Variants in CDH12 observed in about 807,000 individuals in gnomAD.
CDH12 encodes cadherin 12.
Under a neutral mutation model 74.1 loss-of-function variants are expected in CDH12, and 41 were observed. The observed-to-expected ratio is 0.55, with a 90% CI of 0.43 to 0.72. CDH12 has a LOEUF of 0.72. Among genes scored for constraint, CDH12 ranks in the 30% least tolerant of loss-of-function variants. The pLI, the probability that CDH12 is intolerant of heterozygous loss-of-function variation, is 0.00. For synonymous variants in CDH12, 399 were observed against 355.0 expected, an observed-to-expected ratio of 1.12 and a Z score of -1.39; for missense variants, 945 against 977.2, an observed-to-expected ratio of 0.97 and a Z score of 0.44.
At chr5:21,886,138 T>C (rs1290360390) in intron 6 of CDH12, among the ~76,000 whole-genome samples, 2 of 152,192 alleles carry the variant, frequency 1.3e-5, no homozygotes, top group Non-Finnish European at 2.9e-5. Context: ...GGAAGTCTAA[T>C]GCCACTTTGA....
Position 22,452,895 on chromosome 5 carries a change from A to AT in CDH12, c.-427-47545_-427-47544insA, listed in dbSNP as rs1357691676. 1.3e-3 allele frequency among the ~76,000 whole-genome samples: 186 copies of AT among 147,416 alleles called. 1 individual carries two copies. The highest frequency in any genetic ancestry group is 0.01 in the Middle Eastern group (3 of 286). On this transcript the variant is annotated intron_variant, in intron 2 of 14. Coordinates refer to ENST00000382254, the MANE Select transcript of CDH12 (RefSeq NM_004061.5). Reference sequence around the variant, plus strand: ...AACCTAAGAGCAAAAAAAAAAAAAAAAAAAAAAAATGAGTTAAAAGTGGAC... The same window carrying AT: ...AACCTAAGAGCAAAAAAAAAAAAAAATAAAAAAAAATGAGTTAAAAGTGGAC...
At chr5:22,620,919 T>C (rs1263523597) in intron 1 of CDH12, among the ~76,000 whole-genome samples, 3 of 152,198 alleles carry the variant, frequency 2.0e-5, no homozygotes, top group African/African-American at 7.2e-5. Flanking sequence ...TTCATTTCCT[T>C]TGCTGCTGTA....
rs866212361 is a variant in CDH12, at chr5:22,292,335, G to T, written c.-332-79692C>A. Among the ~76,000 whole-genome samples the T allele has an allele frequency of 9.9e-3, 765 of 77,354 alleles. 2 individuals carry two copies. Among genetic ancestry groups the T allele is most frequent in the Admixed American group, 0.021 (94 of 4,502 alleles). The allele number at this position is 77,354 out of a possible 152,430, so 50.7% of individuals were successfully genotyped here. A position where few individuals can be genotyped will look rare whatever the true frequency, so the allele number is the denominator to read the frequency against. On this transcript the variant is annotated intron_variant, in intron 3 of 14. Coordinates refer to ENST00000382254, the MANE Select transcript of CDH12 (RefSeq NM_004061.5). ...TGGTTGTTGCTTTTTGGGGTTTTTG[G>T]TTTTTGTTTTTTTTTTTTTTTTTTG...
Position 22,426,992 on chromosome 5 carries a change from A to G in CDH12, c.-427-21641T>C, listed in dbSNP as rs567476964. On this transcript the variant is annotated intron_variant, in intron 2 of 14. Transcript: ENST00000382254. ...TACCCTCTATCTCTTTTTCTCTTCC[A>G]CACCCCTCTCCCATTTATCTTTTCT... Among the ~76,000 whole-genome samples the G allele has an allele frequency of 5.9e-5, 9 of 151,470 alleles. No homozygotes were observed. The East Asian group carries it at 1.8e-3, about 30-fold the overall frequency.
chr5:22,711,875 C>G (rs1005149752), intron 1 of CDH12, among the ~76,000 whole-genome samples: 1 of 152,024 alleles, frequency 6.6e-6, no homozygotes, highest in Non-Finnish European at 1.5e-5. Flanking sequence ...GCATTCATTA[C>G]AAAATCAAGT....
intron 3 of CDH12, among the ~76,000 whole-genome samples, chr5:22,313,239 T>A (rs973339393): frequency 2.0e-5 from 3 of 152,168 alleles, no homozygotes; most frequent in Non-Finnish European, 4.4e-5. Context: ...GGTATTAAAC[T>A]TTTTTATCAA....
At chr5:22,458,186 A>G (rs919890837) in intron 2 of CDH12, among the ~76,000 whole-genome samples, 4 of 151,014 alleles carry the variant, frequency 2.6e-5, no homozygotes, top group Non-Finnish European at 4.4e-5. Flanking sequence ...GGGCTCCTTG[A>G]CTCTTCTTAG....
chr5:22,350,633 A>T (rs766623460), intron 3 of CDH12, among the ~76,000 whole-genome samples: 2 of 152,128 alleles, frequency 1.3e-5, no homozygotes, highest in Non-Finnish European at 2.9e-5. Context: ...AATTGTATTG[A>T]TTTTTATCTG....
At chr5:21,889,512 TA>T in intron 6 of CDH12, 1 of 827,708 alleles carries the variant, frequency 1.2e-6, no homozygotes, top group African/African-American at 1.8e-5. Flanking sequence ...AAAAATATAT[TA>T]CCAATCCAAT....
In CDH12 at chr5:22,586,506, A is replaced by ATATAT. The variant is rs1366866807; in HGVS notation, c.-522-81143_-522-81142insATATA. The stretch of plus-strand genomic sequence containing the variant: ...GTATAATAAAATATATATATATATA[A>ATATAT]ATAAAAATAAAACTTGAAGTAAAAT... On this transcript the variant is annotated intron_variant, in intron 1 of 14. Coordinates refer to ENST00000382254, the MANE Select transcript of CDH12 (RefSeq NM_004061.5). 4.7e-3 allele frequency among the ~76,000 whole-genome samples: 602 copies of ATATAT among 129,066 alleles called. 5 individuals carry two copies. Among genetic ancestry groups the ATATAT allele is most frequent in the African/African-American group, 0.012 (414 of 33,940 alleles). The allele number at this position is 129,066 out of a possible 152,430, so 84.7% of individuals were successfully genotyped here. A position where few individuals can be genotyped will look rare whatever the true frequency, so the allele number is the denominator to read the frequency against.
chr5:22,836,028 G>A (rs1305847092), intron 1 of CDH12, among the ~76,000 whole-genome samples: 3 of 152,102 alleles, frequency 2.0e-5, no homozygotes, highest in African/African-American at 4.8e-5. Context: ...CTGTAGCAAT[G>A]TCTGCATAGG....
intron 1 of CDH12, among the ~76,000 whole-genome samples, chr5:22,799,233 T>C (rs1240758184): frequency 3.9e-5 from 6 of 152,186 alleles, no homozygotes; most frequent in African/African-American, 7.2e-5. Context: ...AATAAATTTC[T>C]AAGGAGAACA....
intron 1 of CDH12, among the ~76,000 whole-genome samples, chr5:22,525,541 G>A (rs1201037889): frequency 6.6e-6 from 1 of 151,476 alleles, no homozygotes; most frequent in African/African-American, 2.4e-5. Context: ...AGGGAGAGAG[G>A]GAGGGAGGGA....
intron 5 of CDH12, among the ~76,000 whole-genome samples, chr5:21,995,746 C>A (rs2150139431): frequency 6.6e-6 from 1 of 151,812 alleles, no homozygotes. Flanking sequence ...TCTCTCCTAT[C>A]CTTTTCTGAG....
chr5:22,324,296 T>C (rs1032212555), intron 3 of CDH12, among the ~76,000 whole-genome samples: 2 of 152,104 alleles, frequency 1.3e-5, no homozygotes, highest in African/African-American at 2.4e-5. Flanking sequence ...ATCTTATTGG[T>C]AAATCAGCAC....
chr5:22,079,689 C>A (rs1310295041), intron 4 of CDH12, among the ~76,000 whole-genome samples: 3 of 152,006 alleles, frequency 2.0e-5, no homozygotes, highest in Non-Finnish European at 4.4e-5. Flanking sequence ...AGATGCAGAG[C>A]TTTTACTCTG....
intron 4 of CDH12, among the ~76,000 whole-genome samples, chr5:22,200,416 C>T (rs1170990439): frequency 6.6e-6 from 1 of 152,100 alleles, no homozygotes; most frequent in African/African-American, 2.4e-5. Flanking sequence ...TTAAAATATG[C>T]ATGTTCATTG....
chr5:22,322,451 A>G (rs1339428625), intron 3 of CDH12, among the ~76,000 whole-genome samples: 1 of 151,960 alleles, frequency 6.6e-6, no homozygotes, highest in Non-Finnish European at 1.5e-5. Context: ...TTAGGACTCC[A>G]GAAATACTTT....
At position 21,830,199 on chromosome 5, in the gene CDH12, CAAAAAAAAAAAA is replaced by C. The variant is rs1055199877; in HGVS notation, c.814+11950_814+11961del. ...GGGTGACAACAGTGAAACTCCTTCT[CAAAAAAAAAAAA>C]AAAAAAAAAAAAAAAAAAAGAAATG... is the stretch of plus-strand genomic sequence containing the variant. On this transcript the variant is annotated intron_variant, in intron 8 of 14. Transcript: ENST00000382254. Among the ~76,000 whole-genome samples, 38 of 25,248 alleles carry C rather than the reference CAAAAAAAAAAAA, an allele frequency of 1.5e-3. No homozygotes were observed. The South Asian group carries it at 0.045, about 30-fold the overall frequency. The allele number at this position is 25,248 out of a possible 152,430, so 16.6% of individuals were successfully genotyped here.
Sources: allele counts gnomAD v4.1 joint callset (sites outside exome capture counted in the v4.1 genomes callset), GRCh38; gene constraint gnomAD v4.1.1; transcripts MANE v1.5; gene names NCBI Gene and HGNC (gene_info 2026-07-23, HGNC 2026-07-21).